Variants in IFTAP observed in about 807,000 individuals in gnomAD.
IFTAP encodes intraflagellar transport-associated protein.
A neutral mutation model predicts 19.4 loss-of-function variants in IFTAP; 19 were observed. The ratio of observed to expected loss-of-function variants is 0.98; its 90% CI spans 0.68 to 1.44. IFTAP has a LOEUF of 1.44. Ranked by LOEUF, IFTAP falls within the 40% of genes most tolerant of loss-of-function variation. IFTAP has a pLI of 0.00. For synonymous variants in IFTAP, 85 were observed against 83.5 expected, an observed-to-expected ratio of 1.02 and a Z score of -0.10; for missense variants, 240 against 253.6, an observed-to-expected ratio of 0.95 and a Z score of 0.36.
rs1029458701 is a variant in IFTAP, at chr11:36,628,656, AT to A, written c.137-4619del. On this transcript the variant is annotated intron_variant, in intron 2 of 5. Coordinates refer to ENST00000334307, the MANE Select transcript of IFTAP (RefSeq NM_138787.4). ...CTCCGTAACTCAGCCACCACACAGA[AT>A]TTTTTTTTCTGTCTGAAAATAAGCT... is the stretch of plus-strand genomic sequence containing the variant. Among the ~76,000 whole-genome samples the A allele has an allele frequency of 1.6e-4, 24 of 150,838 alleles. No homozygotes were observed. The East Asian group carries it at 2.5e-3, about 16-fold the overall frequency.
chr11:36,633,521 A>G, intron 3 of IFTAP, 83 bp downstream of exon 3: 1 of 1,100,078 alleles, frequency 9.1e-7, no homozygotes. Flanking sequence ...ACCCTACTAA[A>G]CACTAGACAG....
Position 36,595,789 on chromosome 11 carries a change from A to T in IFTAP, c.-24+1197A>T, listed in dbSNP as rs140146300. On this transcript the variant is annotated intron_variant, in intron 1 of 5. Coordinates refer to ENST00000334307, the MANE Select transcript of IFTAP (RefSeq NM_138787.4). ...GATTATTTTAAAATTTACCAAAAAT[A>T]AGGTCTAGTGCATACGCACCTGCCA... Among the ~76,000 whole-genome samples the T allele has an allele frequency of 6.2e-4, 95 of 152,384 alleles. 1 individual carries two copies. In the East Asian group the frequency reaches 0.016, roughly 25 times the overall value.
intron 5 of IFTAP, among the ~76,000 whole-genome samples, chr11:36,651,983 G>C (rs1853755195): frequency 6.6e-6 from 1 of 152,158 alleles, no homozygotes; most frequent in African/African-American, 2.4e-5. Flanking sequence ...AAGTCAGGTA[G>C]CGTGATGCCT....
chr11:36,632,705 A>G (rs1852773203), intron 2 of IFTAP, among the ~76,000 whole-genome samples: 1 of 151,300 alleles, frequency 6.6e-6, no homozygotes, highest in Admixed American at 6.6e-5. Flanking sequence ...GTTCTTGATA[A>G]CTATTAAAAT....
chr11:36,650,609 C>T (rs1483206729), intron 5 of IFTAP, among the ~76,000 whole-genome samples: 1 of 149,850 alleles, frequency 6.7e-6, no homozygotes. Flanking sequence ...TACATGTGCA[C>T]AACGTGCAGG....
chr11:36,630,472 G>T (rs1351854722), intron 2 of IFTAP, among the ~76,000 whole-genome samples: 2 of 151,338 alleles, frequency 1.3e-5, no homozygotes, highest in Admixed American at 1.3e-4. Flanking sequence ...AAAAAGAGTG[G>T]ATGAGAATTT....
intron 4 of IFTAP, among the ~76,000 whole-genome samples, chr11:36,641,435 C>G (rs1164375570): frequency 2.0e-5 from 3 of 152,142 alleles, no homozygotes; most frequent in Non-Finnish European, 2.9e-5. Context: ...ATAAGAACTA[C>G]TGACAAGACT....
chr11:36,606,942 T>C (rs901171004), intron 1 of IFTAP, among the ~76,000 whole-genome samples: 1 of 152,224 alleles, frequency 6.6e-6, no homozygotes, highest in African/African-American at 2.4e-5. Flanking sequence ...CAGCTTTGCA[T>C]TGCTAAAGCC....
chr11:36,613,815 A>C (rs1356366209), intron 2 of IFTAP, among the ~76,000 whole-genome samples: 1 of 152,016 alleles, frequency 6.6e-6, no homozygotes, highest in African/African-American at 2.4e-5. Context: ...TTTAGTACTG[A>C]TATATCTCTA....
chr11:36,639,269 A>G (rs199591189), intron 4 of IFTAP, among the ~76,000 whole-genome samples: 1 of 148,370 alleles, frequency 6.7e-6, no homozygotes, highest in East Asian at 2.0e-4. Flanking sequence ...TTTTTTTTTA[A>G]TCTACTTCTG....
intron 5 of IFTAP, among the ~76,000 whole-genome samples, chr11:36,651,443 T>C (rs1853723569): frequency 6.6e-6 from 1 of 152,256 alleles, no homozygotes; most frequent in Admixed American, 6.5e-5. Context: ...TTGCAGATTC[T>C]AGATATTAGC....
rs577216805 is a variant in IFTAP at position 36,643,012 on chromosome 11, A to G, written c.359-5004A>G. On this transcript the variant is annotated intron_variant, in intron 4 of 5. Transcript: ENST00000334307. ...AGTGTTGGAAGTTCTGGCCAGGGCTATCAGGCAGGAGAAAGAAATAAAGGG... is the reference window on the plus strand; with the variant it reads ...AGTGTTGGAAGTTCTGGCCAGGGCTGTCAGGCAGGAGAAAGAAATAAAGGG... Among the ~76,000 whole-genome samples the G allele has an allele frequency of 3.3e-5, 5 of 152,340 alleles. No individual in the cohort carries two copies. In the South Asian group the frequency reaches 1.0e-3, roughly 32 times the overall value.
chr11:36,657,806 G>A (rs185203423), intron 5 of IFTAP, among the ~76,000 whole-genome samples: 96 of 152,278 alleles, frequency 6.3e-4, no homozygotes, highest in African/African-American at 2.2e-3. Flanking sequence ...GAAACTCACC[G>A]TGGCAAACTC....
Position 36,608,064 on chromosome 11 carries a change from G to T in IFTAP, c.-23-2017G>T, listed in dbSNP as rs147363436. On this transcript the variant is annotated intron_variant, in intron 1 of 5. Coordinates refer to ENST00000334307, the MANE Select transcript of IFTAP (RefSeq NM_138787.4). ...ACTATACAGCTATTTGACAGAATAG[G>T]CTAGATCTGCATATACTAAAGTGGT... Among the ~76,000 whole-genome samples the T allele has an allele frequency of 9.1e-4, 138 of 152,222 alleles. 3 individuals carry two copies. The East Asian group carries it at 0.015, about 17-fold the overall frequency.
chr11:36,641,317 T>C (rs1194890844), intron 4 of IFTAP, among the ~76,000 whole-genome samples: 1 of 152,162 alleles, frequency 6.6e-6, no homozygotes, highest in East Asian at 1.9e-4. Flanking sequence ...ATGATTCCAA[T>C]ATACAAATAT....
Position 36,636,104 on chromosome 11 carries a change from C to T in IFTAP, c.345C>T (p.Pro115=). The stretch of plus-strand genomic sequence containing the variant: ...TGGACATGGATGAAGAGATTAAACC[C>T]CAAATGAGTGAGGGTATGCTTTCTA... ...EDLDMDEEIK[P]QMSEDLLLLP... The change falls in exon 4 of 6, where the codon CCC becomes CCT. Residue 115 remains proline, a synonymous_variant. Transcript: ENST00000334307. 1 of 1,607,432 alleles carries T rather than the reference C, an allele frequency of 6.2e-7. No individual in the cohort carries two copies. Among genetic ancestry groups the T allele is most frequent in the Non-Finnish European group, 8.5e-7 (1 of 1,174,170 alleles).
chr11:36,605,527 A>C (rs1048521585), intron 1 of IFTAP, among the ~76,000 whole-genome samples: 1 of 152,218 alleles, frequency 6.6e-6, no homozygotes. Flanking sequence ...CAGAGAGCAC[A>C]TAACATTAAC....
chr11:36,640,241 C>T (rs1045874001), intron 4 of IFTAP, among the ~76,000 whole-genome samples: 6 of 152,122 alleles, frequency 3.9e-5, no homozygotes, highest in Non-Finnish European at 8.8e-5. Context: ...AAGATGCTGG[C>T]ACCTTAGTGT....
chr11:36,612,656 C>A (rs1851917826), intron 2 of IFTAP, among the ~76,000 whole-genome samples: 1 of 152,054 alleles, frequency 6.6e-6, no homozygotes, highest in Non-Finnish European at 1.5e-5. Flanking sequence ...TATCACCATG[C>A]ATACTTATGT....
Sources: gnomAD v4.1 joint callset for allele counts (sites outside exome capture counted in the v4.1 genomes callset) on GRCh38, gnomAD v4.1.1 for gene constraint, MANE v1.5 for transcripts, NCBI Gene and HGNC (gene_info 2026-07-23, HGNC 2026-07-21) for gene names.